The following PLCL2 variants were observed in gnomAD, a reference collection of about 807,000 sequenced individuals.
PLCL2 encodes phospholipase C like 2.
Under a neutral mutation model 79.6 loss-of-function variants are expected in PLCL2, and 4 were observed. The ratio of observed to expected loss-of-function variants is 0.05; its 90% confidence interval spans 0.02 to 0.11. The LOEUF (loss-of-function observed/expected upper bound fraction) is 0.11, where lower values mean the gene tolerates loss of function less well. Among genes scored for constraint, PLCL2 ranks in the 10% least tolerant of loss-of-function variants. PLCL2 has a pLI of 1.00. For missense variants in PLCL2, 895 were observed against 1,291.0 expected, an observed-to-expected ratio of 0.69 and a Z score of 4.70; for synonymous variants, 484 against 457.7, an observed-to-expected ratio of 1.06 and a Z score of -0.73.
chr3:16,945,600 G>A (rs971040894), intron 1 of PLCL2, among the ~76,000 whole-genome samples: 4 of 152,158 alleles, frequency 2.6e-5, no homozygotes, highest in East Asian at 1.9e-4. Context: ...TTACTATAGT[G>A]TGTTGTCTGC....
At chr3:16,898,956 C>T (rs1226868717) in intron 1 of PLCL2, among the ~76,000 whole-genome samples, 2 of 152,218 alleles carry the variant, frequency 1.3e-5, no homozygotes, top group Non-Finnish European at 2.9e-5. Flanking sequence ...CGGGGACCCA[C>T]GCCTTGGCAG....
chr3:16,987,255 C>T (rs983401506), intron 1 of PLCL2, among the ~76,000 whole-genome samples: 4 of 152,052 alleles, frequency 2.6e-5, no homozygotes, highest in Admixed American at 2.0e-4. Context: ...CTTTATTGGC[C>T]CACATTTGCT....
rs2064302289 is a variant in PLCL2 at position 17,009,929 on chromosome 3, A to C, written c.583A>C (p.Arg195=). 6.2e-7 allele frequency: 1 copy of C among 1,614,054 alleles called. No individual in the cohort carries two copies. The highest frequency in any genetic ancestry group is 1.3e-5 in the African/African-American group (1 of 75,056). Residue 195 remains arginine (R), a synonymous_variant, in exon 2 of 6, where the codon AGA becomes CGA. Transcript: ENST00000615277. The surrounding 1 kb of genome is among the most constrained non-coding windows in gnomAD (Gnocchi z 4.0). ...KIDIKSIKEV[R]TGKNTDIFRS... ...TGACATTAAATCCATCAAGGAAGTG[A>C]GAACAGGAAAAAACACAGACATATT... is the stretch of plus-strand genomic sequence containing the variant.
intron 1 of PLCL2, among the ~76,000 whole-genome samples, chr3:16,916,092 T>C (rs890759884): frequency 1.3e-5 from 2 of 152,204 alleles, no homozygotes; most frequent in African/African-American, 4.8e-5. Context: ...TAAAAGTTTT[T>C]CCTTCGCTTG....
chr3:16,942,583 G>A (rs946771052), intron 1 of PLCL2, among the ~76,000 whole-genome samples: 1 of 152,164 alleles, frequency 6.6e-6, no homozygotes, highest in Non-Finnish European at 1.5e-5. Context: ...CTAGCAGGGA[G>A]CCAGACATGA....
intron 4 of PLCL2, among the ~76,000 whole-genome samples, chr3:17,054,330 A>G (rs1237187999): frequency 1.3e-5 from 2 of 152,090 alleles, no homozygotes; most frequent in Non-Finnish European, 2.9e-5. Flanking sequence ...CCATGTCACT[A>G]TCAGTATTTT....
At chr3:16,954,045 C>CT (rs2063678217) in intron 1 of PLCL2, among the ~76,000 whole-genome samples, 1 of 152,120 alleles carries the variant, frequency 6.6e-6, no homozygotes, top group East Asian at 1.9e-4. Flanking sequence ...TATTATTATA[C>CT]TTTAAGTTTT....
At chr3:17,008,671 G>A (rs532946847) in intron 1 of PLCL2, among the ~76,000 whole-genome samples, 2 of 152,150 alleles carry the variant, frequency 1.3e-5, no homozygotes, top group African/African-American at 4.8e-5. Context: ...CTGTTTCATG[G>A]TGTATGACCT....
At chr3:16,948,079 C>T (rs2063617787) in intron 1 of PLCL2, among the ~76,000 whole-genome samples, 2 of 152,182 alleles carry the variant, frequency 1.3e-5, no homozygotes, top group Non-Finnish European at 2.9e-5. Context: ...TTCATAGCAG[C>T]ATAATTGTTA....
intron 1 of PLCL2, among the ~76,000 whole-genome samples, chr3:16,990,485 A>G (rs1399289243): frequency 2.6e-5 from 4 of 152,232 alleles, no homozygotes; most frequent in African/African-American, 4.8e-5. Context: ...TAAGCTTGCA[A>G]TGAGCTCTTA....
intron 1 of PLCL2, among the ~76,000 whole-genome samples, chr3:16,897,947 C>G (rs2119478): frequency 6.6e-6 from 1 of 151,988 alleles, no homozygotes; most frequent in Non-Finnish European, 1.5e-5. Context: ...CTGGACTGCA[C>G]AAATTATTAG....
intron 4 of PLCL2, among the ~76,000 whole-genome samples, chr3:17,056,666 C>T (rs1044411244): frequency 6.6e-6 from 1 of 151,846 alleles, no homozygotes; most frequent in Non-Finnish European, 1.5e-5. Flanking sequence ...AGAAAAAACA[C>T]AGTCATGCAT....
At chr3:17,024,927 T>C (rs1043728120) in intron 3 of PLCL2, among the ~76,000 whole-genome samples, 1 of 152,180 alleles carries the variant, frequency 6.6e-6, no homozygotes, top group Non-Finnish European at 1.5e-5. Context: ...TTCATCCATA[T>C]GTTTATGGAG....
chr3:17,048,482 A>G (rs1022756343), intron 4 of PLCL2, among the ~76,000 whole-genome samples: 3 of 152,238 alleles, frequency 2.0e-5, no homozygotes, highest in Non-Finnish European at 2.9e-5. Flanking sequence ...ACTGCCATAA[A>G]ATATGCACAA....
intron 1 of PLCL2, among the ~76,000 whole-genome samples, chr3:16,934,284 T>C (rs889278690): frequency 1.3e-5 from 2 of 152,156 alleles, no homozygotes; most frequent in African/African-American, 4.8e-5. Flanking sequence ...GCCTAAGAGC[T>C]ACATTTCACT....
intron 1 of PLCL2, among the ~76,000 whole-genome samples, chr3:16,999,327 G>A (rs2125001278): frequency 6.6e-6 from 1 of 152,228 alleles, no homozygotes; most frequent in Non-Finnish European, 1.5e-5. Context: ...TGTTTCTTCT[G>A]TGATAGGATT....
intron 1 of PLCL2, among the ~76,000 whole-genome samples, chr3:16,987,226 A>G (rs950829639): frequency 6.6e-6 from 1 of 152,104 alleles, no homozygotes; most frequent in African/African-American, 2.4e-5. Flanking sequence ...CAGGTCTGTC[A>G]GGTGTTAATG....
chr3:17,065,886 A>G (rs903505030), intron 4 of PLCL2, among the ~76,000 whole-genome samples: 11 of 152,134 alleles, frequency 7.2e-5, no homozygotes, highest in Admixed American at 6.5e-4. Context: ...AATTCCAGTC[A>G]TGGATTCCAT....
intron 5 of PLCL2, among the ~76,000 whole-genome samples, chr3:17,075,540 A>G (rs4410432): frequency 0.015 from 1,992 of 136,544 alleles, 52 homozygotes; most frequent in African/African-American, 0.051. Flanking sequence ...CAAACCTTCA[A>G]TGTGTAAAAA....
Sources: allele counts gnomAD v4.1 joint callset (sites outside exome capture counted in the v4.1 genomes callset), GRCh38; gene constraint gnomAD v4.1.1; non-coding constraint Gnocchi (gnomAD v3.1); transcripts MANE v1.5; gene names NCBI Gene and HGNC (gene_info 2026-07-23, HGNC 2026-07-21).